The following GPC6 variants were observed in gnomAD, a reference collection of about 807,000 sequenced individuals.
The protein encoded by GPC6 is glypican 6.
In GPC6, 14 loss-of-function variants were observed where a neutral mutation model predicts 55.2. The observed-to-expected ratio is 0.25, with a 90% CI of 0.17 to 0.40. The LOEUF (loss-of-function observed/expected upper bound fraction) is 0.40. Ranked by LOEUF, GPC6 falls within the 10% of genes least tolerant of loss-of-function variation. The pLI is 1.00. For missense variants in GPC6, 641 were observed against 708.5 expected (o/e 0.90, Z 1.08); for synonymous variants, 278 against 259.6 (o/e 1.07, Z -0.68).
At chr13:94,096,803 A>G (rs887528377) in intron 4 of GPC6, among the ~76,000 whole-genome samples, 1 of 152,184 alleles carries the variant, frequency 6.6e-6, no homozygotes, top group African/African-American at 2.4e-5. Context: ...GAATATTCTG[A>G]GGTAAATGGT....
At position 93,227,625 on chromosome 13, in the gene GPC6, G is replaced by A; in HGVS notation, c.160+9G>A. On this transcript the variant is annotated intron_variant, in intron 1 of 8. Coordinates refer to ENST00000377047, the MANE Select transcript of GPC6 (RefSeq NM_005708.5). This position sits in a 1 kb window ranked among gnomAD's most constrained non-coding sequence, Gnocchi z 4.3. ...CTACCAGGAGATCGCAGGTAAGCGC[G>A]GGCGCGCTGCAGGGGCAGGCTGCAG... The A allele has an allele frequency of 1.3e-6, 2 of 1,594,654 alleles. No individual in the cohort carries two copies. The highest frequency in any genetic ancestry group is 1.7e-6 in the Non-Finnish European group (2 of 1,174,154).
At chr13:94,252,550 G>A (rs1891384972) in intron 4 of GPC6, among the ~76,000 whole-genome samples, 1 of 152,030 alleles carries the variant, frequency 6.6e-6, no homozygotes, top group Non-Finnish European at 1.5e-5. Context: ...GAAATTGATG[G>A]CGAAATAAGA....
intron 3 of GPC6, among the ~76,000 whole-genome samples, chr13:93,943,085 G>T (rs541185966): frequency 1.3e-5 from 2 of 152,094 alleles, no homozygotes; most frequent in African/African-American, 4.8e-5. Flanking sequence ...TTTATTGCAC[G>T]TATCCTCAGT....
chr13:93,365,465 G>T (rs1312695827), intron 1 of GPC6, among the ~76,000 whole-genome samples: 1 of 151,996 alleles, frequency 6.6e-6, no homozygotes, highest in Non-Finnish European at 1.5e-5. Context: ...CCTTGTAGGG[G>T]TTTTAAAAAT....
intron 4 of GPC6, among the ~76,000 whole-genome samples, chr13:94,174,832 G>C (rs968044314): frequency 1.1e-4 from 17 of 152,060 alleles, no homozygotes; most frequent in African/African-American, 4.1e-4. Context: ...TTTAGAGCCA[G>C]AAAATTCATG....
intron 4 of GPC6, among the ~76,000 whole-genome samples, chr13:94,192,966 C>T (rs987287087): frequency 6.6e-6 from 1 of 151,706 alleles, no homozygotes; most frequent in African/African-American, 2.4e-5. Context: ...TTGTTGAAAC[C>T]AAAAATGAAG....
intron 2 of GPC6, among the ~76,000 whole-genome samples, chr13:93,596,514 C>T (rs755191738): frequency 1.3e-5 from 2 of 150,914 alleles, no homozygotes; most frequent in African/African-American, 2.4e-5. Flanking sequence ...TCCTCGACAA[C>T]GTAATGTTGA....
chr13:93,969,650 C>T (rs2140392591), intron 3 of GPC6, among the ~76,000 whole-genome samples: 1 of 152,150 alleles, frequency 6.6e-6, no homozygotes, highest in Admixed American at 6.6e-5. Context: ...AATATACTAT[C>T]TTTACCATTT....
At chr13:94,086,043 T>C (rs1458950775) in intron 4 of GPC6, among the ~76,000 whole-genome samples, 1 of 152,218 alleles carries the variant, frequency 6.6e-6, no homozygotes, top group Non-Finnish European at 1.5e-5. Context: ...TTTTTTCTTT[T>C]TTTCTTCCCT....
chr13:93,890,746 A>G (rs1306403179), intron 3 of GPC6, among the ~76,000 whole-genome samples: 6 of 114,308 alleles, frequency 5.2e-5, no homozygotes, highest in Admixed American at 1.9e-4. Context: ...TTAGAAAGTT[A>G]TATTTTTCTG....
At chr13:93,446,577 T>C (rs2139295702) in intron 1 of GPC6, among the ~76,000 whole-genome samples, 1 of 152,274 alleles carries the variant, frequency 6.6e-6, no homozygotes, top group South Asian at 2.1e-4. Flanking sequence ...TCTACAGGAA[T>C]AATTAGACAT....
In GPC6 at chr13:93,836,009, C is replaced by G. The variant is rs569941847; in HGVS notation, c.711+5464C>G. The G allele has an allele frequency of 2.0e-5, 3 of 152,232 alleles. No homozygotes were observed. The South Asian group carries it at 6.2e-4, about 32-fold the overall frequency. 9.4% of individuals were successfully genotyped at this position (152,232 alleles called of 1,614,324 possible). ...TCATGACTTTGAAAAGAAAGTCTGA[C>G]TTTTAGTCTTTAGTAAAACCGGAAT... On this transcript the variant is annotated intron_variant, in intron 3 of 8. Transcript: ENST00000377047.
At chr13:93,658,435 T>C (rs933350669) in intron 2 of GPC6, among the ~76,000 whole-genome samples, 2 of 151,924 alleles carry the variant, frequency 1.3e-5, no homozygotes, top group African/African-American at 2.4e-5. Flanking sequence ...ATAGTAAGCA[T>C]GTTTATGGGA....
intron 1 of GPC6, among the ~76,000 whole-genome samples, chr13:93,488,616 T>C (rs572121387): frequency 6.6e-6 from 1 of 152,314 alleles, no homozygotes; most frequent in South Asian, 2.1e-4. Flanking sequence ...TTTCTCCACA[T>C]CCTCTCCAGC....
chr13:94,220,683 A>G (rs767140281), intron 4 of GPC6, among the ~76,000 whole-genome samples: 45 of 152,080 alleles, frequency 3.0e-4, no homozygotes, highest in Admixed American at 1.4e-3. Context: ...GGTCGGTTCT[A>G]GGCCTCTCTT....
chr13:94,178,491 A>C (rs1001264576), intron 4 of GPC6, among the ~76,000 whole-genome samples: 4 of 152,234 alleles, frequency 2.6e-5, no homozygotes, highest in Non-Finnish European at 5.9e-5. Context: ...ATAGAAGAAG[A>C]AGCTAAAAGG....
chr13:93,775,016 GGAGCAAACACAGATGCCCA>G (rs1270988434), intron 2 of GPC6, among the ~76,000 whole-genome samples: 2 of 152,106 alleles, frequency 1.3e-5, no homozygotes, highest in Non-Finnish European at 2.9e-5. Flanking sequence ...AAGAGAAAAA[GGAGCAAACACAGATGCCCA>G]GAGATCTTAA....
At chr13:93,389,802 C>T (rs1361265176) in intron 1 of GPC6, among the ~76,000 whole-genome samples, 1 of 151,228 alleles carries the variant, frequency 6.6e-6, no homozygotes, top group African/African-American at 2.4e-5. Flanking sequence ...GAAAAAAAAA[C>T]AGTTGGGATA....
chr13:93,571,093 C>T (rs1876381651), intron 2 of GPC6, among the ~76,000 whole-genome samples: 1 of 151,838 alleles, frequency 6.6e-6, no homozygotes, highest in South Asian at 2.1e-4. Flanking sequence ...CTATGAAGTC[C>T]TGGAATATTG....
Sources: gnomAD v4.1 joint callset for allele counts (sites outside exome capture counted in the v4.1 genomes callset) on GRCh38, gnomAD v4.1.1 for gene constraint, Gnocchi (gnomAD v3.1) non-coding constraint, MANE v1.5 for transcripts, NCBI Gene and HGNC (gene_info 2026-07-23, HGNC 2026-07-21) for gene names.